The following DDR2 variants were observed in gnomAD, a reference collection of about 807,000 sequenced individuals.
DDR2 encodes the protein discoidin domain receptor tyrosine kinase 2.
Under a neutral mutation model 94.9 loss-of-function variants are expected in DDR2, and 27 were observed. That is an observed-to-expected ratio of 0.28 (90% CI 0.21 to 0.39). The LOEUF is 0.39. DDR2 is among the 10% of genes least tolerant of loss of function. The pLI, the probability that DDR2 is intolerant of heterozygous loss-of-function variation, is 1.00. For synonymous variants in DDR2, 382 were observed against 377.2 expected (o/e 1.01, Z -0.15); for missense variants, 783 against 1,076.0 (o/e 0.73, Z 3.81).
rs1001238191 is a variant in DDR2, at chr1:162,786,750, A to T, written c.*6504A>T. On this transcript the variant is annotated 3_prime_UTR_variant, in exon 18 of 18. Coordinates refer to ENST00000367921, the MANE Select transcript of DDR2 (RefSeq NM_006182.4). ...GATTATTTAAATAGACCTCTAACATATGAGTTGACTGTTTATTGGGAAGAA... is the reference window on the plus strand; with the variant it reads ...GATTATTTAAATAGACCTCTAACATTTGAGTTGACTGTTTATTGGGAAGAA... 1 of 152,224 alleles carries T rather than the reference A, an allele frequency of 6.6e-6. No homozygotes were observed. The highest frequency in any genetic ancestry group is 1.5e-5 in the Non-Finnish European group (1 of 68,036). The allele number at this position is 152,224 out of a possible 1,614,324, so 9.4% of individuals were successfully genotyped here.
rs77960650 is a variant in DDR2 at position 162,677,189 on chromosome 1, G to A, written c.-28+21815G>A. On this transcript the variant is annotated intron_variant, in intron 2 of 17. Coordinates refer to ENST00000367921, the MANE Select transcript of DDR2 (RefSeq NM_006182.4). ...AGCCCATGTTGGGGTGAGGATAGAG[G>A]TTTTGCTTTCCTCAAACTATTGCAT... is the stretch of plus-strand genomic sequence containing the variant. Among the ~76,000 whole-genome samples the A allele has an allele frequency of 2.4e-3, 361 of 152,230 alleles. 6 individuals are homozygous for A. In the East Asian group the frequency reaches 0.04, roughly 17 times the overall value.
rs769406653 is a variant in DDR2, at chr1:162,755,266, G to C, written c.528G>C (p.Val176=). ...FIPVTDHSMN[V]CMRVELYGCV... is the part of the protein sequence containing the mutation. ...CAGTCACCGACCACTCCATGAATGT[G>C]TGTATGAGAGTGGAGCTTTACGGCT... The change falls in exon 6 of 18, where the codon GTG becomes GTC. Residue 176 remains valine (V), a synonymous_variant. Transcript: ENST00000367921. 15 of 1,614,016 alleles carry C rather than the reference G, an allele frequency of 9.3e-6. No homozygotes were observed. Among genetic ancestry groups the C allele is most frequent in the Non-Finnish European group, 1.3e-5 (15 of 1,180,016 alleles).
chr1:162,707,659 C>T (rs1219523514), intron 2 of DDR2, among the ~76,000 whole-genome samples: 2 of 151,958 alleles, frequency 1.3e-5, no homozygotes, highest in African/African-American at 2.4e-5. Context: ...AAAAGACTGA[C>T]TTTTTGTTGT....
intron 1 of DDR2, among the ~76,000 whole-genome samples, chr1:162,649,559 T>C (rs1045378587): frequency 2.0e-5 from 3 of 152,184 alleles, no homozygotes; most frequent in South Asian, 4.1e-4. Context: ...TGTCTTCATA[T>C]TCAAAAAGGA....
Position 162,760,906 on chromosome 1 carries a change from T to C in DDR2, c.856-305T>C, listed in dbSNP as rs150051745. Reference sequence around the variant, plus strand: ...CTACCCTGATTCGTGTGTGTATCTATACACATAGATACATACACACATATG... The same window carrying C: ...CTACCCTGATTCGTGTGTGTATCTACACACATAGATACATACACACATATG... On this transcript the variant is annotated intron_variant, in intron 8 of 17. Coordinates refer to ENST00000367921, the MANE Select transcript of DDR2 (RefSeq NM_006182.4). Among the ~76,000 whole-genome samples the C allele has an allele frequency of 4.6e-5, 7 of 152,076 alleles. No individual in the cohort carries two copies. The East Asian group carries it at 1.4e-3, about 30-fold the overall frequency.
At chr1:162,751,998 G>T (rs1663232151) in intron 3 of DDR2, among the ~76,000 whole-genome samples, 2 of 152,118 alleles carry the variant, frequency 1.3e-5, no homozygotes, top group Admixed American at 1.3e-4. Context: ...GCCTGTCGTG[G>T]GGTGAGGGGA....
Position 162,755,205 on chromosome 1 carries a change from A to G in DDR2, c.467A>G (p.Glu156Gly). Residue 156 changes from glutamate (E) to glycine (G), a missense_variant, in exon 6 of 18, where the codon GAG becomes GGG. Physicochemically the swap from Glu to Gly is moderately conservative, Grantham distance 98. Coordinates refer to ENST00000367921, the MANE Select transcript of DDR2 (RefSeq NM_006182.4). The part of the protein sequence containing the change: ...NPYDIFLKDL[E>G]PPIVARFVRF... Reference sequence around the variant, plus strand: ...TATGACATTTTCCTAAAGGACTTGGAGCCGCCCATTGTAGCCAGATTTGTC... The same window carrying G: ...TATGACATTTTCCTAAAGGACTTGGGGCCGCCCATTGTAGCCAGATTTGTC... 6.2e-7 allele frequency: 1 copy of G among 1,614,112 alleles called. No homozygotes were observed. The highest frequency in any genetic ancestry group is 8.5e-7 in the Non-Finnish European group (1 of 1,180,018).
chr1:162,685,091 C>G (rs900567671), intron 2 of DDR2, among the ~76,000 whole-genome samples: 1 of 152,090 alleles, frequency 6.6e-6, no homozygotes, highest in African/African-American at 2.4e-5. Flanking sequence ...CTTTCATTAA[C>G]TGTGATTTGG....
intron 1 of DDR2, among the ~76,000 whole-genome samples, chr1:162,648,987 C>A (rs755810012): frequency 3.3e-4 from 50 of 152,064 alleles, no homozygotes; most frequent in Non-Finnish European, 8.8e-5. Context: ...TTTCCCATCT[C>A]TCACCACTCC....
At chr1:162,754,521 C>A (rs1663359890) in intron 4 of DDR2, 103 bp from the exon 5 acceptor site, 2 of 1,164,424 alleles carry the variant, frequency 1.7e-6, no homozygotes, top group Non-Finnish European at 2.6e-6. Flanking sequence ...TAAGGACAGC[C>A]TGCTCTCTCC....
At chr1:162,657,558 C>T (rs1658058015) in intron 2 of DDR2, among the ~76,000 whole-genome samples, 1 of 152,124 alleles carries the variant, frequency 6.6e-6, no homozygotes, top group East Asian at 1.9e-4. Context: ...GTACTGAGAG[C>T]AGAAGGGTAA....
chr1:162,747,506 G>A (rs1158839287), intron 3 of DDR2, among the ~76,000 whole-genome samples: 1 of 152,118 alleles, frequency 6.6e-6, no homozygotes, highest in African/African-American at 2.4e-5. Context: ...TGTGTGAAAA[G>A]ATCAAATCTA....
intron 1 of DDR2, among the ~76,000 whole-genome samples, chr1:162,638,953 T>C (rs1471855645): frequency 6.6e-6 from 1 of 150,668 alleles, no homozygotes; most frequent in Non-Finnish European, 1.5e-5. Flanking sequence ...AACTGATTCT[T>C]TTTTTTTTTC....
At chr1:162,772,405 C>G (rs991626476) in intron 13 of DDR2, 158 bp downstream of exon 13, 1 of 806,430 alleles carries the variant, frequency 1.2e-6, no homozygotes, top group South Asian at 1.6e-5. Context: ...ATTGGGTCAA[C>G]CTAATCTTTG....
In DDR2 at chr1:162,717,287, C is replaced by T. The variant is rs140560695; in HGVS notation, c.-27-1750C>T. Among the ~76,000 whole-genome samples, 251 of 152,268 alleles carry T rather than the reference C, an allele frequency of 1.6e-3. 5 individuals are homozygous for T. In the East Asian group the frequency reaches 0.035, roughly 21 times the overall value. ...CTGACCTCAGGTGATCCACCCGCCT[C>T]GGCCTTCCAAAGTTCTGGGATTACA... On this transcript the variant is annotated intron_variant, in intron 2 of 17. Transcript: ENST00000367921.
At chr1:162,684,955 G>T (rs1337440268) in intron 2 of DDR2, among the ~76,000 whole-genome samples, 2 of 151,902 alleles carry the variant, frequency 1.3e-5, no homozygotes, top group African/African-American at 4.8e-5. Context: ...TACAGATGTG[G>T]ATAACACTCA....
At chr1:162,764,392 T>A (rs1254571369) in intron 9 of DDR2, among the ~76,000 whole-genome samples, 7 of 122,588 alleles carry the variant, frequency 5.7e-5, no homozygotes, top group East Asian at 4.7e-4. Context: ...CAGAATGCTT[T>A]AAAAAAAAAA....
chr1:162,639,710 T>C (rs1571129441), intron 1 of DDR2, among the ~76,000 whole-genome samples: 1 of 152,300 alleles, frequency 6.6e-6, no homozygotes, highest in Non-Finnish European at 1.5e-5. Flanking sequence ...AAACCACAGG[T>C]TGAGAAAAAT....
chr1:162,752,009 C>CG (rs901777126), intron 3 of DDR2, among the ~76,000 whole-genome samples: 2 of 151,656 alleles, frequency 1.3e-5, no homozygotes, highest in African/African-American at 4.8e-5. Context: ...GGTGAGGGGA[C>CG]GGGGGAGGAA....
Sources: gnomAD v4.1 joint callset for allele counts (sites outside exome capture counted in the v4.1 genomes callset) on GRCh38, gnomAD v4.1.1 for gene constraint, MANE v1.5 for transcripts, NCBI Gene and HGNC (gene_info 2026-07-23, HGNC 2026-07-21) for gene names.